Variants in CORO2A observed in about 807,000 individuals in gnomAD.
The protein encoded by CORO2A is coronin 2A.
CORO2A carries 47 observed loss-of-function variants against 62.4 expected under a neutral mutation model. The observed-to-expected ratio is 0.75, with a 90% CI of 0.60 to 0.96. The LOEUF (loss-of-function observed/expected upper bound fraction) is 0.96, where lower values mean the gene tolerates loss of function less well. Among genes scored for constraint, CORO2A ranks in the 40% least tolerant of loss-of-function variants. CORO2A has a pLI of 0.00. For missense variants in CORO2A, 610 were observed against 684.1 expected, an observed-to-expected ratio of 0.89 and a Z score of 1.21; for synonymous variants, 273 against 268.9, an observed-to-expected ratio of 1.02 and a Z score of -0.15.
At chr9:98,150,746 C>A (rs1004577138) in intron 2 of CORO2A, among the ~76,000 whole-genome samples, 1 of 152,220 alleles carries the variant, frequency 6.6e-6, no homozygotes, top group Non-Finnish European at 1.5e-5. Context: ...TGGACGTAAT[C>A]TTTTACAAGC....
intron 1 of CORO2A, among the ~76,000 whole-genome samples, chr9:98,173,282 G>A (rs1175835097): frequency 1.3e-5 from 2 of 152,214 alleles, no homozygotes; most frequent in Non-Finnish European, 2.9e-5. Flanking sequence ...GCCACTCTTT[G>A]AGAATCGCTG....
intron 1 of CORO2A, among the ~76,000 whole-genome samples, chr9:98,164,019 G>A (rs887389599): frequency 1.3e-5 from 2 of 152,142 alleles, no homozygotes; most frequent in African/African-American, 2.4e-5. Flanking sequence ...GTGCCCCTTC[G>A]TAAATTTGTG....
At chr9:98,126,209 T>C (rs13288505) in intron 11 of CORO2A, among the ~76,000 whole-genome samples, 2 of 151,902 alleles carry the variant, frequency 1.3e-5, no homozygotes, top group Admixed American at 6.6e-5. Flanking sequence ...CTAATTTTTG[T>C]ATTTTTAGTA....
chr9:98,136,729 A>G (rs1241841156), intron 3 of CORO2A, among the ~76,000 whole-genome samples: 2 of 152,114 alleles, frequency 1.3e-5, no homozygotes, highest in Admixed American at 1.3e-4. Context: ...AAAATATCCT[A>G]CCTTGTGGGG....
At chr9:98,127,391 GC>G (rs1462290840) in intron 10 of CORO2A, among the ~76,000 whole-genome samples, 3 of 152,328 alleles carry the variant, frequency 2.0e-5, no homozygotes, top group Non-Finnish European at 4.4e-5. Flanking sequence ...AGAGGGAGCA[GC>G]TGGGGTGACT....
chr9:98,149,717 C>T (rs1370763501), intron 2 of CORO2A, among the ~76,000 whole-genome samples: 4 of 152,342 alleles, frequency 2.6e-5, no homozygotes, highest in Admixed American at 2.6e-4. Flanking sequence ...GAGGCCCCAC[C>T]TCCAACACTG....
intron 2 of CORO2A, among the ~76,000 whole-genome samples, chr9:98,151,801 C>T (rs1756478776): frequency 1.3e-5 from 2 of 151,646 alleles, no homozygotes; most frequent in Admixed American, 1.3e-4. Flanking sequence ...GCATGCACCA[C>T]CATGCCCGGC....
chr9:98,137,471 T>C, intron 3 of CORO2A, 101 bp downstream of exon 3: 1 of 925,024 alleles, frequency 1.1e-6, no homozygotes, highest in Non-Finnish European at 1.8e-6. Context: ...ACCTCCGCGA[T>C]GGAGTCAGGG....
At chr9:98,152,136 T>TGTTG (rs1554744728) in intron 2 of CORO2A, among the ~76,000 whole-genome samples, 4 of 145,010 alleles carry the variant, frequency 2.8e-5, no homozygotes, top group African/African-American at 7.4e-5. Flanking sequence ...GTTTTTTTTT[T>TGTTG]TTGTTTTTTC....
chr9:98,132,318 G>C lies in CORO2A; in HGVS notation c.649-17C>G, dbSNP rs772801781. The C allele has an allele frequency of 8.7e-6, 14 of 1,601,868 alleles. No individual in the cohort carries two copies. The highest frequency in any genetic ancestry group is 1.1e-5 in the Non-Finnish European group (13 of 1,169,472). ...GCTGGCCTCCTGGAGGGACACGTGC[G>C]GTCGGTATTGGAGAGACAGTAGAGG... On this transcript the variant is annotated splice_polypyrimidine_tract_variant and intron_variant, in intron 5 of 11. Coordinates refer to ENST00000375077, the MANE Select transcript of CORO2A (RefSeq NM_052820.4).
chr9:98,165,182 C>T (rs191132307), intron 1 of CORO2A, among the ~76,000 whole-genome samples: 2 of 152,278 alleles, frequency 1.3e-5, no homozygotes, highest in Non-Finnish European at 2.9e-5. Flanking sequence ...TGGTCTTGAA[C>T]ACCTGGCCTC....
At chr9:98,132,068 G>A in intron 6 of CORO2A, 117 bp downstream of exon 6, 2 of 828,608 alleles carry the variant, frequency 2.4e-6, no homozygotes. Flanking sequence ...CCCAGCACCT[G>A]GCAGTCTACG....
At chr9:98,132,344 A>G (rs1827420994) in intron 5 of CORO2A, 43 bp from the exon 6 acceptor site, 1 of 1,547,098 alleles carries the variant, frequency 6.5e-7, no homozygotes, top group South Asian at 1.1e-5. Flanking sequence ...ACAGTAGAGG[A>G]TCGGGGGCAG....
chr9:98,128,562 G>T, intron 9 of CORO2A, 45 bp downstream of exon 9: 2 of 1,551,120 alleles, frequency 1.3e-6, no homozygotes, highest in South Asian at 1.1e-5. Flanking sequence ...TCTTCTCCAG[G>T]ACAGGTTCCC....
chr9:98,173,063 A>T (rs1588012389), intron 1 of CORO2A, among the ~76,000 whole-genome samples: 1 of 152,172 alleles, frequency 6.6e-6, no homozygotes, highest in Non-Finnish European at 1.5e-5. Flanking sequence ...CCAGCACTTT[A>T]GGAGGCCGAG....
Position 98,181,366 on chromosome 9 carries a change from A to G in CORO2A, c.-1+11193T>C, listed in dbSNP as rs191166666. 3.0e-3 allele frequency among the ~76,000 whole-genome samples: 365 copies of G among 121,484 alleles called. 1 individual carries two copies. Among genetic ancestry groups the G allele is most frequent in the African/African-American group, 0.011 (349 of 31,182 alleles). 79.7% of individuals were successfully genotyped at this position (121,484 alleles called of 152,430 possible). ...TTTTTTTTTTTTTTTTTAAGAGATGAGGTCTCACTATGTTGTCCAGGCTGG... is the reference window on the plus strand; with the variant it reads ...TTTTTTTTTTTTTTTTTAAGAGATGGGGTCTCACTATGTTGTCCAGGCTGG... On this transcript the variant is annotated intron_variant, in intron 1 of 11. Transcript: ENST00000375077.
chr9:98,173,325 C>CAG (rs561729478), intron 1 of CORO2A, among the ~76,000 whole-genome samples: 2 of 152,324 alleles, frequency 1.3e-5, no homozygotes, highest in East Asian at 3.9e-4. Flanking sequence ...TCACAACTAT[C>CAG]GCTCAGTTTA....
rs28667685 is a variant in CORO2A, at chr9:98,135,183, G to A, written c.319-228C>T. Among the ~76,000 whole-genome samples the A allele has an allele frequency of 5.6e-3, 846 of 152,314 alleles. 4 individuals carry two copies. Among genetic ancestry groups the A allele is most frequent in the African/African-American group, 0.019 (794 of 41,572 alleles). On this transcript the variant is annotated intron_variant, in intron 3 of 11. Coordinates refer to ENST00000375077, the MANE Select transcript of CORO2A (RefSeq NM_052820.4). ...TCCTCCAGCCTGAGCAGGGGCCAGC[G>A]CTGACCAGGGATGAGTCTAGGCCTC...
In CORO2A at chr9:98,126,531, C is replaced by G. The variant is rs528218578; in HGVS notation, c.1446+18G>C. The G allele has an allele frequency of 5.0e-6, 8 of 1,606,890 alleles. No homozygotes were observed. The Admixed American group carries it at 8.4e-5, about 17-fold the overall frequency. On this transcript the variant is annotated intron_variant, in intron 11 of 11. Transcript: ENST00000375077. ...CCAGCTGCCCCATGTGAAAGGCCCA[C>G]CCCGTCCTCCTTCACACCTCATTCT...
Sources: gnomAD v4.1 joint callset for allele counts (sites outside exome capture counted in the v4.1 genomes callset) on GRCh38, gnomAD v4.1.1 for gene constraint, MANE v1.5 for transcripts, NCBI Gene and HGNC (gene_info 2026-07-23, HGNC 2026-07-21) for gene names.